ASIC2: variants seen among roughly 807,000 people sequenced by gnomAD.
ASIC2 encodes the protein acid sensing ion channel subunit 2, also known as acid-sensing ion channel 2.
ASIC2 carries 25 observed loss-of-function variants against 57.3 expected under a neutral mutation model. The ratio of observed to expected loss-of-function variants is 0.44; its 90% CI spans 0.32 to 0.61. The LOEUF is 0.61. Ranked by LOEUF, ASIC2 falls within the 20% of genes least tolerant of loss-of-function variation. The probability of loss-of-function intolerance (pLI) is 0.06; values close to 1 mark genes in which losing one functional copy is unlikely to be tolerated. For missense variants in ASIC2, 641 were observed against 738.1 expected (o/e 0.87, Z 1.52); for synonymous variants, 319 against 307.5 (o/e 1.04, Z -0.39).
At chr17:33,853,144 G>A (rs1913820935) in intron 1 of ASIC2, among the ~76,000 whole-genome samples, 1 of 152,202 alleles carries the variant, frequency 6.6e-6, no homozygotes, top group South Asian at 2.1e-4. Context: ...CAGTTACCAG[G>A]TGATGATTGA....
At position 33,112,059 on chromosome 17, in the gene ASIC2, T is replaced by C; in HGVS notation, c.717A>G (p.Thr239=). 1 of 1,613,288 alleles carries C rather than the reference T, an allele frequency of 6.2e-7. No homozygotes were observed. Among genetic ancestry groups the C allele is most frequent in the South Asian group, 1.1e-5 (1 of 90,890 alleles). The change falls in exon 2 of 10, where the codon ACA becomes ACG. Residue 239 remains threonine (T), a synonymous_variant. Coordinates refer to ENST00000225823, the MANE Select transcript of ASIC2 (RefSeq NM_183377.2). ...TAAACATGTAACACTTCCCATATTT[T>C]GTAAACACCTGAAGGAGAGAAGAGA... ...CGPHNFSSVF[T]KYGKCYMFNS...
chr17:33,098,648 C>A (rs760874786), intron 2 of ASIC2, among the ~76,000 whole-genome samples: 1 of 152,186 alleles, frequency 6.6e-6, no homozygotes, highest in Non-Finnish European at 1.5e-5. Flanking sequence ...GCCCCTCCTG[C>A]AAAGCCATGG....
chr17:33,147,999 G>C (rs1904632581), intron 1 of ASIC2, among the ~76,000 whole-genome samples: 1 of 152,238 alleles, frequency 6.6e-6, no homozygotes. Context: ...CTACTGAACA[G>C]ATGCAGGAAG....
intron 1 of ASIC2, among the ~76,000 whole-genome samples, chr17:33,716,107 C>T (rs1046816543): frequency 2.0e-5 from 3 of 152,206 alleles, no homozygotes; most frequent in Non-Finnish European, 4.4e-5. Flanking sequence ...CTCTCTTGCT[C>T]TCCTCACAGT....
chr17:33,912,462 A>G (rs1030176756), intron 1 of ASIC2, among the ~76,000 whole-genome samples: 5 of 152,074 alleles, frequency 3.3e-5, no homozygotes, highest in African/African-American at 1.2e-4. Flanking sequence ...AGCCTGGGTG[A>G]CAGAGGACCC....
chr17:33,615,038 T>C (rs374336670), intron 1 of ASIC2, among the ~76,000 whole-genome samples: 1 of 152,240 alleles, frequency 6.6e-6, no homozygotes, highest in East Asian at 1.9e-4. Context: ...TTCTTACTTT[T>C]TTATTATTAA....
In ASIC2 at chr17:33,088,934, G is replaced by T; in HGVS notation, c.916C>A (p.Pro306Thr). The T allele has an allele frequency of 6.2e-7, 1 of 1,614,172 alleles. No homozygotes were observed. The highest frequency in any genetic ancestry group is 8.5e-7 in the Non-Finnish European group (1 of 1,180,004). ...CCAAAGCCCAGCTCTTGGATGAAAG[G>T]TGGCTCAGACTGACTGTGGATCTGA... ...KVQIHSQSEPPFIQELGFGVA... is the reference protein window; with the variant it reads ...KVQIHSQSEPTFIQELGFGVA... The change falls in exon 3 of 10, where the codon CCT (proline) becomes ACT (threonine). Residue 306 changes from proline to threonine, a missense_variant. Transcript: ENST00000225823.
intron 1 of ASIC2, among the ~76,000 whole-genome samples, chr17:33,519,024 GTTGGCCAGGA>G (rs750607119): frequency 0.2 from 30,426 of 151,136 alleles, 3,122 homozygotes; most frequent in East Asian, 0.28. Context: ...GTTTCACCAT[GTTGGCCAGGA>G]TGGTCTCGAT....
chr17:33,720,741 C>A (rs1216141311), intron 1 of ASIC2, among the ~76,000 whole-genome samples: 1 of 152,138 alleles, frequency 6.6e-6, no homozygotes, highest in African/African-American at 2.4e-5. Context: ...CCAACACAGA[C>A]CAACACAGAA....
chr17:34,146,282 A>AT (rs1392468119), intron 1 of ASIC2, among the ~76,000 whole-genome samples: 2 of 152,224 alleles, frequency 1.3e-5, no homozygotes, highest in East Asian at 1.9e-4. Flanking sequence ...TGAAAAAGGT[A>AT]TTTTTTTCTT....
chr17:34,108,999 T>G (rs1323785902), intron 1 of ASIC2, among the ~76,000 whole-genome samples: 1 of 151,336 alleles, frequency 6.6e-6, no homozygotes, highest in East Asian at 1.9e-4. Flanking sequence ...ACTTTCAACA[T>G]ATTTTGTCTA....
chr17:33,871,345 TAA>T (rs1914401242), intron 1 of ASIC2, among the ~76,000 whole-genome samples: 1 of 152,092 alleles, frequency 6.6e-6, no homozygotes, highest in Admixed American at 6.5e-5. Flanking sequence ...CTTGAAGAAA[TAA>T]CACACATAAA....
chr17:33,417,098 C>T (rs1449495911), intron 1 of ASIC2, among the ~76,000 whole-genome samples: 4 of 152,136 alleles, frequency 2.6e-5, no homozygotes, highest in South Asian at 4.2e-4. Context: ...TACTGAGGCT[C>T]GTGTTCCTCT....
chr17:33,374,763 C>T (rs1909216756), intron 1 of ASIC2, among the ~76,000 whole-genome samples: 1 of 152,174 alleles, frequency 6.6e-6, no homozygotes, highest in Non-Finnish European at 1.5e-5. Flanking sequence ...TCAATGTTTC[C>T]ACTTGGCACC....
At chr17:33,604,731 A>G (rs750165329) in intron 1 of ASIC2, among the ~76,000 whole-genome samples, 1 of 152,058 alleles carries the variant, frequency 6.6e-6, no homozygotes, top group Non-Finnish European at 1.5e-5. Flanking sequence ...CGCTAAAAGG[A>G]GAGGATGGAG....
At chr17:33,262,354 A>AGAGG (rs1301080711) in intron 1 of ASIC2, among the ~76,000 whole-genome samples, 1 of 141,434 alleles carries the variant, frequency 7.1e-6, no homozygotes, top group Non-Finnish European at 1.6e-5. Flanking sequence ...AAAAGGAGGA[A>AGAGG]GAGGGAGGGA....
At chr17:33,719,370 G>A (rs911414835) in intron 1 of ASIC2, among the ~76,000 whole-genome samples, 2 of 152,174 alleles carry the variant, frequency 1.3e-5, no homozygotes, top group Non-Finnish European at 2.9e-5. Flanking sequence ...CCCTGCAGGT[G>A]TCCTGTGCAA....
chr17:33,365,708 C>A (rs566332241), intron 1 of ASIC2, among the ~76,000 whole-genome samples: 1 of 152,084 alleles, frequency 6.6e-6, no homozygotes, highest in South Asian at 2.1e-4. Context: ...ACAGGTTGGG[C>A]CTGATGACTT....
intron 1 of ASIC2, among the ~76,000 whole-genome samples, chr17:34,139,227 T>C (rs1037222859): frequency 1.3e-5 from 2 of 152,190 alleles, no homozygotes; most frequent in African/African-American, 4.8e-5. Flanking sequence ...TAGTGAAAGA[T>C]CTAGCATCTC....
Sources: gnomAD v4.1 joint callset for allele counts (sites outside exome capture counted in the v4.1 genomes callset) on GRCh38, gnomAD v4.1.1 for gene constraint, MANE v1.5 for transcripts, NCBI Gene and HGNC (gene_info 2026-07-23, HGNC 2026-07-21) for gene names.